Variants in ITPK1 observed in about 807,000 individuals in gnomAD.
ITPK1 encodes inositol-tetrakisphosphate 1-kinase.
A neutral mutation model predicts 45.3 loss-of-function variants in ITPK1; 21 were observed. The observed-to-expected ratio is 0.46, with a 90% CI of 0.33 to 0.67. ITPK1 has a LOEUF of 0.67. Among genes scored for constraint, ITPK1 ranks in the 30% least tolerant of loss-of-function variants. The probability of loss-of-function intolerance (pLI) is 0.02; values close to 1 mark genes in which losing one functional copy is unlikely to be tolerated. For synonymous variants in ITPK1, 258 were observed against 253.6 expected, an observed-to-expected ratio of 1.02 and a Z score of -0.16; for missense variants, 474 against 573.5, an observed-to-expected ratio of 0.83 and a Z score of 1.77.
intron 3 of ITPK1, among the ~76,000 whole-genome samples, chr14:93,062,912 G>A (rs1163680504): frequency 2.0e-5 from 3 of 152,218 alleles, no homozygotes; most frequent in Middle Eastern, 3.2e-3. Flanking sequence ...AAAAATAACC[G>A]AGGGTCCTGA....
At chr14:92,950,730 C>G (rs1887919277) in intron 9 of ITPK1, among the ~76,000 whole-genome samples, 1 of 152,326 alleles carries the variant, frequency 6.6e-6, no homozygotes, top group African/African-American at 2.4e-5. Context: ...GCTGCCGAGG[C>G]CCCCAGAGCA....
At chr14:92,955,010 A>G (rs1430801223) in intron 8 of ITPK1, among the ~76,000 whole-genome samples, 1 of 152,222 alleles carries the variant, frequency 6.6e-6, no homozygotes, top group East Asian at 1.9e-4. Flanking sequence ...TCATGAGGGC[A>G]GGAAGCTGGG....
intron 4 of ITPK1, among the ~76,000 whole-genome samples, chr14:92,995,042 G>A (rs1222258592): frequency 2.0e-5 from 3 of 152,316 alleles, no homozygotes; most frequent in South Asian, 4.1e-4. Context: ...AAGCCAAGGA[G>A]GGTGGAAGGT....
At chr14:93,043,995 GA>G (rs1407683453) in intron 3 of ITPK1, among the ~76,000 whole-genome samples, 1 of 152,154 alleles carries the variant, frequency 6.6e-6, no homozygotes, top group Non-Finnish European at 1.5e-5. Flanking sequence ...AACCATTCTG[GA>G]ACCCGGCTTG....
intron 2 of ITPK1, among the ~76,000 whole-genome samples, chr14:93,088,468 T>G (rs575570299): frequency 6.6e-6 from 1 of 151,284 alleles, no homozygotes; most frequent in Non-Finnish European, 1.5e-5. Context: ...AAGCAGGAGC[T>G]ACTTGGCCAC....
intron 3 of ITPK1, among the ~76,000 whole-genome samples, chr14:93,041,979 G>A (rs1210973627): frequency 6.6e-6 from 1 of 152,196 alleles, no homozygotes; most frequent in Non-Finnish European, 1.5e-5. Flanking sequence ...CCCCCGCGGT[G>A]TCTAATCCTA....
chr14:92,961,861 G>A (rs1213811950), intron 7 of ITPK1, among the ~76,000 whole-genome samples: 2 of 152,234 alleles, frequency 1.3e-5, no homozygotes, highest in Non-Finnish European at 2.9e-5. Flanking sequence ...AAATCAGAGA[G>A]CTTGCTCTTG....
intron 3 of ITPK1, among the ~76,000 whole-genome samples, chr14:93,022,515 C>CT (rs750617400): frequency 0.027 from 3,770 of 137,926 alleles, 78 homozygotes; most frequent in Non-Finnish European, 0.041. Flanking sequence ...AAGACCACAT[C>CT]TTTTTTTTTT....
intron 3 of ITPK1, among the ~76,000 whole-genome samples, chr14:93,051,054 C>T (rs574913503): frequency 6.6e-6 from 1 of 152,326 alleles, no homozygotes; most frequent in African/African-American, 2.4e-5. Flanking sequence ...GCCCGGCCTG[C>T]CTGGGCACTC....
intron 3 of ITPK1, among the ~76,000 whole-genome samples, chr14:93,019,460 C>A (rs570759291): frequency 1.0e-3 from 156 of 152,368 alleles, no homozygotes; most frequent in African/African-American, 3.6e-3. Context: ...ACGGGCCACC[C>A]TCCTTTGTGT....
chr14:92,990,355 T>C (rs1050855133), intron 5 of ITPK1, among the ~76,000 whole-genome samples: 2 of 151,174 alleles, frequency 1.3e-5, no homozygotes, highest in Admixed American at 6.6e-5. Context: ...CAGGACCAGA[T>C]GGGCAGACCA....
chr14:93,066,598 G>T (rs1890764999), intron 3 of ITPK1, among the ~76,000 whole-genome samples: 1 of 151,966 alleles, frequency 6.6e-6, no homozygotes, highest in South Asian at 2.1e-4. Context: ...TAGAGACAGG[G>T]TTTCACCGTG....
At chr14:92,943,292 G>A (rs1156980410) in intron 10 of ITPK1, among the ~76,000 whole-genome samples, 2 of 152,244 alleles carry the variant, frequency 1.3e-5, no homozygotes, top group Non-Finnish European at 2.9e-5. Flanking sequence ...CAGCCACTGG[G>A]CTGTGAGCGC....
In ITPK1 at chr14:92,994,645, C is replaced by T. The variant is rs144723017; in HGVS notation, c.247-648G>A. Among the ~76,000 whole-genome samples the T allele has an allele frequency of 2.0e-4, 30 of 152,288 alleles. No individual in the cohort carries two copies. The East Asian group carries it at 2.5e-3, about 13-fold the overall frequency. On this transcript the variant is annotated intron_variant, in intron 4 of 10. Coordinates refer to ENST00000267615, the MANE Select transcript of ITPK1 (RefSeq NM_014216.6). Reference sequence around the variant, plus strand: ...CAATAAAATAATGGGCAGAACCCCACGCCACCCAGGTGGGCCAGACCAACC... The same window carrying T: ...CAATAAAATAATGGGCAGAACCCCATGCCACCCAGGTGGGCCAGACCAACC...
rs1202763136 is a variant in ITPK1 at position 93,068,607 on chromosome 14, C to A, written c.120+7988G>T. On this transcript the variant is annotated intron_variant, in intron 3 of 10. Coordinates refer to ENST00000267615, the MANE Select transcript of ITPK1 (RefSeq NM_014216.6). Reference sequence around the variant, plus strand: ...TCACAGGTGTCCACCCCTACCTATGCCCCAGTGACCTGGAAATAAAATCCA... The same window carrying A: ...TCACAGGTGTCCACCCCTACCTATGACCCAGTGACCTGGAAATAAAATCCA... 2.0e-5 allele frequency: 3 copies of A among 152,184 alleles called. No homozygotes were observed. In the East Asian group the frequency reaches 5.8e-4, roughly 29 times the overall value. The allele number at this position is 152,184 out of a possible 1,614,324, so 9.4% of individuals were successfully genotyped here. A position where few individuals can be genotyped will look rare whatever the true frequency, so the allele number is the denominator to read the frequency against.
chr14:93,008,304 G>A (rs1887719355), intron 4 of ITPK1, among the ~76,000 whole-genome samples: 1 of 152,168 alleles, frequency 6.6e-6, no homozygotes, highest in African/African-American at 2.4e-5. Flanking sequence ...CCCATCATCC[G>A]ATGCACTCAC....
At chr14:93,092,720 G>C (rs948293809) in intron 2 of ITPK1, among the ~76,000 whole-genome samples, 1 of 152,186 alleles carries the variant, frequency 6.6e-6, no homozygotes, top group Non-Finnish European at 1.5e-5. Flanking sequence ...GCCAAAGCTG[G>C]GCCTAATGTG....
rs145964480 is a variant in ITPK1 at position 93,012,510 on chromosome 14, G to C, written c.246+4166C>G. On this transcript the variant is annotated intron_variant, in intron 4 of 10. Transcript: ENST00000267615. This position sits in a 1 kb window ranked among gnomAD's most constrained non-coding sequence, Gnocchi z 4.9. Reference sequence around the variant, plus strand: ...GTCAAGCTGGCAATCATGGCCTTCAGTGTCACAGCAATAAGAAAGCATGGG... The same window carrying C: ...GTCAAGCTGGCAATCATGGCCTTCACTGTCACAGCAATAAGAAAGCATGGG... Among the ~76,000 whole-genome samples, 1 of 152,286 alleles carries C rather than the reference G, an allele frequency of 6.6e-6. No homozygotes were observed. Among genetic ancestry groups the C allele is most frequent in the Non-Finnish European group, 1.5e-5 (1 of 68,028 alleles).
chr14:93,047,691 G>C (rs984240667), intron 3 of ITPK1, among the ~76,000 whole-genome samples: 5 of 152,238 alleles, frequency 3.3e-5, no homozygotes, highest in Non-Finnish European at 7.3e-5. Flanking sequence ...CTCCAGAACT[G>C]AGAGTGAATT....
Sources: allele counts gnomAD v4.1 joint callset (sites outside exome capture counted in the v4.1 genomes callset), GRCh38; gene constraint gnomAD v4.1.1; non-coding constraint Gnocchi (gnomAD v3.1); transcripts MANE v1.5; gene names NCBI Gene and HGNC (gene_info 2026-07-23, HGNC 2026-07-21).